Variants in PRKACB observed in about 807,000 individuals in gnomAD.
PRKACB encodes the protein protein kinase cAMP-activated catalytic subunit beta.
A neutral mutation model predicts 51.4 loss-of-function variants in PRKACB; 16 were observed. The ratio of observed to expected loss-of-function variants is 0.31; its 90% CI spans 0.21 to 0.47. The LOEUF (loss-of-function observed/expected upper bound fraction) is 0.47, where lower values mean the gene tolerates loss of function less well. PRKACB is among the 20% of genes least tolerant of loss of function. The pLI is 1.00. For missense variants in PRKACB, 309 were observed against 464.5 expected, an observed-to-expected ratio of 0.67 and a Z score of 3.08; for synonymous variants, 147 against 154.4, an observed-to-expected ratio of 0.95 and a Z score of 0.35.
chr1:84,158,429 G>A (rs897567558), intron 1 of PRKACB, among the ~76,000 whole-genome samples: 5 of 152,058 alleles, frequency 3.3e-5, no homozygotes, highest in Non-Finnish European at 4.4e-5. Flanking sequence ...TTATGATGTT[G>A]AGCATATTTT....
At chr1:84,156,409 G>A (rs544670561) in intron 1 of PRKACB, among the ~76,000 whole-genome samples, 2 of 152,238 alleles carry the variant, frequency 1.3e-5, no homozygotes, top group South Asian at 4.2e-4. Flanking sequence ...TGATCCTTGC[G>A]GAGACCTCAG....
chr1:84,106,679 C>T (rs1193866707), intron 1 of PRKACB, among the ~76,000 whole-genome samples: 1 of 152,102 alleles, frequency 6.6e-6, no homozygotes, highest in Non-Finnish European at 1.5e-5. Context: ...GCCATACTGC[C>T]TAAAGCAATT....
chr1:84,082,887 C>T (rs1440027030), intron 1 of PRKACB, among the ~76,000 whole-genome samples: 1 of 152,208 alleles, frequency 6.6e-6, no homozygotes, highest in Non-Finnish European at 1.5e-5. Flanking sequence ...TGGATCCTTA[C>T]AAGTGAGTGT....
At chr1:84,222,482 G>A (rs1673888437) in intron 9 of PRKACB, among the ~76,000 whole-genome samples, 1 of 152,002 alleles carries the variant, frequency 6.6e-6, no homozygotes, top group Non-Finnish European at 1.5e-5. Flanking sequence ...TGGTTGCTTT[G>A]TATATCCTTC....
intron 9 of PRKACB, among the ~76,000 whole-genome samples, chr1:84,225,588 A>C (rs1345218655): frequency 6.6e-6 from 1 of 152,124 alleles, no homozygotes; most frequent in African/African-American, 2.4e-5. Flanking sequence ...GCTTCTCAAA[A>C]TGGCACTGTG....
rs1667460446 is a variant in PRKACB, at chr1:84,193,790, G to C, written c.561-2826G>C. ...CTGGCCCATCAACTCTGATTTAGTT[G>C]GGTATGACAAAAATGACCCAACTTA... On this transcript the variant is annotated intron_variant, in intron 5 of 9. Transcript: ENST00000370685. Among the ~76,000 whole-genome samples the C allele has an allele frequency of 2.0e-5, 3 of 152,218 alleles. No homozygotes were observed. The South Asian group carries it at 6.2e-4, about 32-fold the overall frequency.
chr1:84,174,694 C>T (rs1409649165), intron 1 of PRKACB, among the ~76,000 whole-genome samples: 1 of 151,816 alleles, frequency 6.6e-6, no homozygotes, highest in East Asian at 1.9e-4. Context: ...TAACAGAACT[C>T]CAGAGATGGT....
intron 1 of PRKACB, among the ~76,000 whole-genome samples, chr1:84,105,547 A>T (rs1649672182): frequency 3.1e-4 from 1 of 3,200 alleles, no homozygotes; most frequent in Non-Finnish European, 2.1e-3. Context: ...GTTAGCATTT[A>T]TTTATTTATT....
intron 2 of PRKACB, chr1:84,181,527 G>T: frequency 2.1e-6 from 1 of 466,568 alleles, no homozygotes; most frequent in Non-Finnish European, 3.5e-6. Flanking sequence ...AAGAAAAAAA[G>T]AGTCTGATTA....
chr1:84,106,236 A>G (rs1374604548), intron 1 of PRKACB, among the ~76,000 whole-genome samples: 1 of 152,140 alleles, frequency 6.6e-6, no homozygotes, highest in East Asian at 1.9e-4. Flanking sequence ...CTCCTAGTCA[A>G]CATAGTGTTG....
intron 9 of PRKACB, among the ~76,000 whole-genome samples, chr1:84,233,303 C>A (rs1042794616): frequency 9.2e-5 from 14 of 151,716 alleles, no homozygotes; most frequent in African/African-American, 3.2e-4. Context: ...TGATGGGCTT[C>A]CCTTTGAGGG....
intron 1 of PRKACB, among the ~76,000 whole-genome samples, chr1:84,115,881 T>G (rs1454425008): frequency 2.1e-5 from 1 of 47,092 alleles, no homozygotes. Context: ...AAAAAACTCT[T>G]GTCTCAAAAA....
chr1:84,195,260 AT>A (rs1667888732), intron 5 of PRKACB, among the ~76,000 whole-genome samples: 1 of 152,190 alleles, frequency 6.6e-6, no homozygotes, highest in Non-Finnish European at 1.5e-5. Flanking sequence ...GTATTATAAA[AT>A]TTTGCTCCCC....
chr1:84,200,551 C>T (rs1204142396), intron 7 of PRKACB, among the ~76,000 whole-genome samples: 1 of 152,170 alleles, frequency 6.6e-6, no homozygotes, highest in Non-Finnish European at 1.5e-5. Context: ...GTCATGAAAC[C>T]TTTGTCCATT....
intron 1 of PRKACB, among the ~76,000 whole-genome samples, chr1:84,110,738 T>C (rs139126063): frequency 6.6e-6 from 1 of 152,184 alleles, no homozygotes; most frequent in Non-Finnish European, 1.5e-5. Context: ...TCTATCTTTG[T>C]GACAACATAT....
intron 9 of PRKACB, among the ~76,000 whole-genome samples, chr1:84,228,090 A>C (rs1024174764): frequency 2.5e-4 from 38 of 152,086 alleles, no homozygotes; most frequent in African/African-American, 8.5e-4. Context: ...TCCCCAAAGC[A>C]GGGCGTGCAA....
At chr1:84,080,056 G>A (rs1647403853) in intron 1 of PRKACB, among the ~76,000 whole-genome samples, 1 of 152,136 alleles carries the variant, frequency 6.6e-6, no homozygotes, top group Non-Finnish European at 1.5e-5. Flanking sequence ...ATTTTTACCT[G>A]ATATGTTGTC....
Position 84,144,470 on chromosome 1 carries a change from A to G in PRKACB, c.109A>G (p.Thr37Ala). The change falls in exon 1 of 10, where the codon ACT (threonine) becomes GCT (alanine). Residue 37 changes from threonine (T) to alanine (A), a missense_variant. By Grantham distance (58) the Thr-to-Ala change is moderately conservative. This residue lies in a region of PRKACB where 153 missense variants were observed against 190.2 expected (regional missense o/e 0.80). Coordinates refer to ENST00000370685, the MANE Select transcript of PRKACB (RefSeq NM_182948.4). Reference sequence around the variant, plus strand: ...GTTATTTCATAGACACTCTAAAGGTACTGCACATGATCAGAAAACAGCTCT... The same window carrying G: ...GTTATTTCATAGACACTCTAAAGGTGCTGCACATGATCAGAAAACAGCTCT... The part of the protein sequence containing the change: ...SRLFHRHSKG[T>A]AHDQKTALEN... 1 of 1,612,564 alleles carries G rather than the reference A, an allele frequency of 6.2e-7. No individual in the cohort carries two copies. Among genetic ancestry groups the G allele is most frequent in the Non-Finnish European group, 8.5e-7 (1 of 1,179,382 alleles).
At chr1:84,102,074 A>G (rs1649387886) in intron 1 of PRKACB, among the ~76,000 whole-genome samples, 1 of 152,118 alleles carries the variant, frequency 6.6e-6, no homozygotes, top group South Asian at 2.1e-4. Flanking sequence ...ACAGACCTTT[A>G]TTTAGACTGA....
Sources: gnomAD v4.1 joint callset for allele counts (sites outside exome capture counted in the v4.1 genomes callset) on GRCh38, gnomAD v4.1.1 for gene constraint, gnomAD v4.1.1 regional missense constraint, MANE v1.5 for transcripts, NCBI Gene and HGNC (gene_info 2026-07-23, HGNC 2026-07-21) for gene names.